The following STPG2 variants were observed in gnomAD, a reference collection of about 807,000 sequenced individuals.
STPG2 encodes the protein sperm-tail PG-rich repeat-containing protein 2.
In STPG2, 56 loss-of-function variants were observed where a neutral mutation model predicts 54.2. That is an observed-to-expected ratio of 1.03 (90% CI 0.83 to 1.29). The LOEUF is 1.29. Ranked by LOEUF, STPG2 falls within the 50% of genes most tolerant of loss-of-function variation. The probability of loss-of-function intolerance (pLI) is 0.00; values close to 1 mark genes in which losing one functional copy is unlikely to be tolerated. For synonymous variants in STPG2, 200 were observed against 181.8 expected (o/e 1.10, Z -0.81); for missense variants, 596 against 544.9 (o/e 1.09, Z -0.93).
chr4:97,924,352 C>G (rs780817022), intron 8 of STPG2, among the ~76,000 whole-genome samples: 1 of 152,162 alleles, frequency 6.6e-6, no homozygotes, highest in Non-Finnish European at 1.5e-5. Context: ...TGGAAAATGC[C>G]TTTTCCTCTA....
chr4:97,542,576 T>C (rs561825432), intron 4 of STPG2, among the ~76,000 whole-genome samples: 1 of 152,284 alleles, frequency 6.6e-6, no homozygotes, highest in African/African-American at 2.4e-5. Context: ...TCCTCAGGGA[T>C]CTAGAACTAG....
intron 8 of STPG2, among the ~76,000 whole-genome samples, chr4:97,841,887 G>A (rs165253): frequency 0.16 from 24,437 of 151,628 alleles, 2,141 homozygotes; most frequent in East Asian, 0.36. Flanking sequence ...TACTTAGCTT[G>A]GTACCTGTTT....
chr4:97,729,557 G>C (rs181070375), intron 9 of STPG2, among the ~76,000 whole-genome samples: 1 of 152,270 alleles, frequency 6.6e-6, no homozygotes, highest in Non-Finnish European at 1.5e-5. Flanking sequence ...TGTCTCTGCA[G>C]ACTCTGAATT....
chr4:97,820,750 G>A (rs1025277756), intron 9 of STPG2, among the ~76,000 whole-genome samples: 1 of 152,208 alleles, frequency 6.6e-6, no homozygotes, highest in African/African-American at 2.4e-5. Flanking sequence ...GCAAGAGCAG[G>A]CATATCACAT....
chr4:97,703,252 C>G (rs1478608170), intron 10 of STPG2, among the ~76,000 whole-genome samples: 2 of 151,364 alleles, frequency 1.3e-5, no homozygotes, highest in Non-Finnish European at 2.9e-5. Flanking sequence ...ATTTTGGGAT[C>G]TAATCATATT....
At chr4:97,802,556 C>T (rs1386179933) in intron 9 of STPG2, among the ~76,000 whole-genome samples, 1 of 152,102 alleles carries the variant, frequency 6.6e-6, no homozygotes, top group Non-Finnish European at 1.5e-5. Flanking sequence ...CTCCAACCTC[C>T]ATCTCCCAGG....
chr4:97,724,847 A>G (rs947700179), intron 9 of STPG2, among the ~76,000 whole-genome samples: 17 of 152,142 alleles, frequency 1.1e-4, no homozygotes, highest in African/African-American at 4.1e-4. Context: ...ACTTGTATTC[A>G]TAACTTTCTG....
intron 8 of STPG2, among the ~76,000 whole-genome samples, chr4:97,849,715 T>A (rs1216925248): frequency 2.0e-3 from 298 of 151,614 alleles, no homozygotes; most frequent in African/African-American, 6.4e-3. Flanking sequence ...TCAAAACCAC[T>A]ATGAGATACC....
intron 4 of STPG2, among the ~76,000 whole-genome samples, chr4:98,107,497 A>C (rs1017903592): frequency 6.6e-6 from 1 of 152,082 alleles, no homozygotes; most frequent in South Asian, 2.1e-4. Flanking sequence ...AAGAGGAAAA[A>C]CAGGAGAAAT....
intron 5 of STPG2, among the ~76,000 whole-genome samples, chr4:98,020,069 T>C (rs1204729503): frequency 8.2e-6 from 1 of 121,942 alleles, no homozygotes; most frequent in Admixed American, 7.8e-5. Flanking sequence ...ATAGGAGTGG[T>C]GAGAGAGGGC....
chr4:97,965,285 G>A (rs1200318045), intron 7 of STPG2, among the ~76,000 whole-genome samples: 7 of 152,216 alleles, frequency 4.6e-5, no homozygotes, highest in Non-Finnish European at 8.8e-5. Flanking sequence ...GCCAGCCAGG[G>A]GGAGGGGTGT....
intron 10 of STPG2, among the ~76,000 whole-genome samples, chr4:97,683,058 A>G (rs938555172): frequency 2.0e-5 from 3 of 151,808 alleles, no homozygotes; most frequent in African/African-American, 4.8e-5. Context: ...ACTGGTTACT[A>G]TTTCATGATA....
chr4:97,804,981 G>A lies in STPG2; in HGVS notation c.1204+35792C>T, dbSNP rs758507768. Among the ~76,000 whole-genome samples, 10 of 152,026 alleles carry A rather than the reference G, an allele frequency of 6.6e-5. No individual in the cohort carries two copies. In the South Asian group the frequency reaches 1.2e-3, roughly 19 times the overall value. On this transcript the variant is annotated intron_variant, in intron 9 of 10. Transcript: ENST00000295268. The stretch of plus-strand genomic sequence containing the variant: ...ATACCATCTAGGTTTGTGTAATTAC[G>A]CTCTATGATGTTCATACAAGGACAA...
At chr4:97,777,934 G>A (rs1393290687) in intron 9 of STPG2, among the ~76,000 whole-genome samples, 1 of 152,070 alleles carries the variant, frequency 6.6e-6, no homozygotes, top group African/African-American at 2.4e-5. Flanking sequence ...TCAGGGGGGT[G>A]GTTCCAAGAT....
At chr4:97,526,677 T>C (rs140986656) in intron 4 of STPG2, among the ~76,000 whole-genome samples, 2,622 of 152,206 alleles carry the variant, frequency 0.017, 68 homozygotes, top group African/African-American at 0.058. Flanking sequence ...CTCTTTAGTT[T>C]AATTAGATCC....
intron 8 of STPG2, among the ~76,000 whole-genome samples, chr4:97,849,489 C>A (rs1445156708): frequency 6.6e-6 from 1 of 151,868 alleles, no homozygotes; most frequent in Non-Finnish European, 1.5e-5. Context: ...AGGCAACCTA[C>A]AACATGGGAG....
At chr4:97,617,403 C>T (rs919404922) in intron 10 of STPG2, among the ~76,000 whole-genome samples, 1 of 152,140 alleles carries the variant, frequency 6.6e-6, no homozygotes, top group Non-Finnish European at 1.5e-5. Context: ...GTTTAAGGTT[C>T]AGAATTAGAA....
chr4:98,032,908 CA>C (rs1161163746), intron 5 of STPG2, among the ~76,000 whole-genome samples: 14 of 152,134 alleles, frequency 9.2e-5, no homozygotes, highest in Admixed American at 6.5e-4. Flanking sequence ...AACAAAGACG[CA>C]TGTCCCAGAT....
At chr4:98,065,892 A>G (rs1208392782) in intron 5 of STPG2, among the ~76,000 whole-genome samples, 1 of 152,204 alleles carries the variant, frequency 6.6e-6, no homozygotes, top group Non-Finnish European at 1.5e-5. Context: ...TACCAAGTAT[A>G]TATCTTGATA....
Sources: gnomAD v4.1 joint callset for allele counts (sites outside exome capture counted in the v4.1 genomes callset) on GRCh38, gnomAD v4.1.1 for gene constraint, MANE v1.5 for transcripts, NCBI Gene and HGNC (gene_info 2026-07-23, HGNC 2026-07-21) for gene names.